Variants in CCDC7 observed in about 807,000 individuals in gnomAD.
CCDC7 encodes coiled-coil domain-containing protein 7.
A neutral mutation model predicts 196.9 loss-of-function variants in CCDC7; 183 were observed. The ratio of observed to expected loss-of-function variants is 0.93; its 90% CI spans 0.82 to 1.05. CCDC7 has a LOEUF of 1.05. Among genes scored for constraint, CCDC7 ranks in the 50% least tolerant of loss-of-function variants. The probability of loss-of-function intolerance (pLI) is 0.00; values close to 1 mark genes in which losing one functional copy is unlikely to be tolerated. For missense variants in CCDC7, 1,540 were observed against 1,482.2 expected, an observed-to-expected ratio of 1.04 and a Z score of -0.64; for synonymous variants, 525 against 484.6, an observed-to-expected ratio of 1.08 and a Z score of -1.10.
chr10:32,666,120 C>CTTTTTTTTT (rs35052301), intron 21 of CCDC7, among the ~76,000 whole-genome samples: 3 of 130,808 alleles, frequency 2.3e-5, no homozygotes, highest in Non-Finnish European at 3.3e-5. Flanking sequence ...TATTCTTTTT[C>CTTTTTTTTT]TTTTTTTTTT....
intron 24 of CCDC7, among the ~76,000 whole-genome samples, chr10:32,709,309 C>T (rs535469788): frequency 3.4e-5 from 4 of 118,538 alleles, no homozygotes; most frequent in South Asian, 5.6e-4. Flanking sequence ...CATCACACAC[C>T]GAGGCCTATC....
At chr10:32,639,519 AG>A in intron 20 of CCDC7, among the ~76,000 whole-genome samples, 1 of 151,868 alleles carries the variant, frequency 6.6e-6, no homozygotes, top group Non-Finnish European at 1.5e-5. Flanking sequence ...ATTCAGGAGC[AG>A]GTTGTTCAGT....
intron 16 of CCDC7, among the ~76,000 whole-genome samples, chr10:32,578,016 G>A (rs191347096): frequency 5.4e-4 from 82 of 152,296 alleles, no homozygotes; most frequent in African/African-American, 1.4e-3. Flanking sequence ...AAAAGCTTCC[G>A]TCAGAAAATG....
chr10:32,506,351 G>A (rs187161601), intron 9 of CCDC7, among the ~76,000 whole-genome samples: 1 of 150,884 alleles, frequency 6.6e-6, no homozygotes, highest in African/African-American at 2.4e-5. Flanking sequence ...GCCGGGCAGA[G>A]GCGCTCTTCA....
At chr10:32,850,545 G>A (rs1410154794) in intron 39 of CCDC7, among the ~76,000 whole-genome samples, 7 of 152,236 alleles carry the variant, frequency 4.6e-5, no homozygotes, top group East Asian at 1.9e-4. Flanking sequence ...CACAGAGACC[G>A]TCACTGAAAT....
chr10:32,572,966 C>G (rs961959038), intron 16 of CCDC7, among the ~76,000 whole-genome samples: 2 of 150,814 alleles, frequency 1.3e-5, no homozygotes, highest in Non-Finnish European at 2.9e-5. Flanking sequence ...CAACCTCTGC[C>G]TCCCAGGTTC....
At chr10:32,844,993 G>C (rs2093196913) in intron 33 of CCDC7, among the ~76,000 whole-genome samples, 1 of 151,620 alleles carries the variant, frequency 6.6e-6, no homozygotes, top group Non-Finnish European at 1.5e-5. Flanking sequence ...GTATAATAAA[G>C]GGGTCAATTA....
At chr10:32,757,853 C>G (rs1169130735) in intron 28 of CCDC7, among the ~76,000 whole-genome samples, 3 of 152,120 alleles carry the variant, frequency 2.0e-5, no homozygotes, top group Non-Finnish European at 4.4e-5. Flanking sequence ...TGATAGACCA[C>G]TAGCAAGACT....
intron 25 of CCDC7, among the ~76,000 whole-genome samples, chr10:32,720,783 A>T (rs905745735): frequency 6.6e-6 from 1 of 152,076 alleles, no homozygotes; most frequent in Non-Finnish European, 1.5e-5. Context: ...GCTTTTCAGT[A>T]TCTCCCCAAA....
chr10:32,668,600 A>G (rs953766591), intron 21 of CCDC7, among the ~76,000 whole-genome samples: 1 of 152,140 alleles, frequency 6.6e-6, no homozygotes, highest in African/African-American at 2.4e-5. Context: ...AATTTTGTCA[A>G]AGGCCTTTTC....
chr10:32,690,000 GC>G (rs1219675023), intron 23 of CCDC7, among the ~76,000 whole-genome samples: 1 of 152,194 alleles, frequency 6.6e-6, no homozygotes, highest in Non-Finnish European at 1.5e-5. Context: ...CTCCCAAAGT[GC>G]TGGCATTGCA....
intron 28 of CCDC7, among the ~76,000 whole-genome samples, chr10:32,749,725 A>C (rs1486096691): frequency 6.6e-6 from 1 of 152,200 alleles, no homozygotes; most frequent in East Asian, 1.9e-4. Context: ...ATGAAATACC[A>C]AAATGAAAAT....
At chr10:32,624,338 T>C (rs1332188926) in intron 18 of CCDC7, among the ~76,000 whole-genome samples, 3 of 152,180 alleles carry the variant, frequency 2.0e-5, no homozygotes, top group Non-Finnish European at 4.4e-5. Context: ...CTCCAACCAC[T>C]TTCCAAAGAG....
At chr10:32,597,007 G>A (rs575034798) in intron 18 of CCDC7, among the ~76,000 whole-genome samples, 1 of 152,082 alleles carries the variant, frequency 6.6e-6, no homozygotes, top group Admixed American at 6.6e-5. Flanking sequence ...TGCGTCTTGG[G>A]GTTGCTCTTC....
intron 28 of CCDC7, among the ~76,000 whole-genome samples, chr10:32,738,473 C>CTTTTTTTTTTTTTTTTTTTTTTTT (rs33944221): frequency 9.1e-6 from 1 of 109,680 alleles, no homozygotes; most frequent in Non-Finnish European, 1.7e-5. Flanking sequence ...GTTTCTTTCA[C>CTTTTTTTTTTTTTTTTTTTTTTTT]TTTTTTTTTT....
At chr10:32,699,660 A>T (rs561046605) in intron 24 of CCDC7, among the ~76,000 whole-genome samples, 1 of 149,600 alleles carries the variant, frequency 6.7e-6, no homozygotes, top group African/African-American at 2.6e-5. Flanking sequence ...ACTAGTTTAC[A>T]GTCCCACCAA....
intron 13 of CCDC7, among the ~76,000 whole-genome samples, chr10:32,557,091 T>A (rs543441716): frequency 9.8e-5 from 15 of 152,354 alleles, no homozygotes; most frequent in Admixed American, 7.8e-4. Context: ...GAGAATAAAA[T>A]GTAGATTTAG....
chr10:32,628,265 C>T (rs2064335970), intron 18 of CCDC7, among the ~76,000 whole-genome samples: 1 of 151,508 alleles, frequency 6.6e-6, no homozygotes, highest in South Asian at 2.1e-4. Flanking sequence ...TTGTATGTTT[C>T]TAGGAGTTTA....
At chr10:32,759,235 G>A (rs1030052429) in intron 28 of CCDC7, among the ~76,000 whole-genome samples, 4 of 152,014 alleles carry the variant, frequency 2.6e-5, no homozygotes, top group South Asian at 2.1e-4. Context: ...CAGAATTGGA[G>A]AAAACTACTT....
Sources: allele counts gnomAD v4.1 joint callset (sites outside exome capture counted in the v4.1 genomes callset), GRCh38; gene constraint gnomAD v4.1.1; transcripts MANE v1.5; gene names NCBI Gene and HGNC (gene_info 2026-07-23, HGNC 2026-07-21).